Variants in RAD51B observed in about 807,000 individuals in gnomAD.
The protein encoded by RAD51B is DNA repair protein RAD51 homolog 2.
A neutral mutation model predicts 42.2 loss-of-function variants in RAD51B; 38 were observed. The ratio of observed to expected loss-of-function variants is 0.90; its 90% CI spans 0.70 to 1.18. RAD51B has a LOEUF of 1.18. Among genes scored for constraint, RAD51B ranks in the 50% most tolerant of loss-of-function variants. The probability of loss-of-function intolerance (pLI) is 0.00; values close to 1 mark genes in which losing one functional copy is unlikely to be tolerated. For synonymous variants in RAD51B, 154 were observed against 145.2 expected (o/e 1.06, Z -0.43); for missense variants, 373 against 400.7 (o/e 0.93, Z 0.59).
chr14:67,966,219 C>G (rs755572969), intron 7 of RAD51B, among the ~76,000 whole-genome samples: 7 of 152,112 alleles, frequency 4.6e-5, no homozygotes, highest in Non-Finnish European at 8.8e-5. Flanking sequence ...CACAGGACCA[C>G]GAGCCTTCAC....
chr14:68,427,563 C>A (rs2140125155), intron 9 of RAD51B, among the ~76,000 whole-genome samples: 1 of 152,264 alleles, frequency 6.6e-6, no homozygotes, highest in East Asian at 1.9e-4. Flanking sequence ...TTTTTTATTT[C>A]TCCCTTTTGG....
intron 7 of RAD51B, among the ~76,000 whole-genome samples, chr14:68,272,310 T>C (rs1477924262): frequency 6.6e-6 from 1 of 152,036 alleles, no homozygotes; most frequent in African/African-American, 2.4e-5. Context: ...CTATTTCTCA[T>C]TTGCTGTGTG....
intron 7 of RAD51B, among the ~76,000 whole-genome samples, chr14:67,917,600 A>T (rs1374032488): frequency 6.6e-6 from 1 of 152,220 alleles, no homozygotes; most frequent in African/African-American, 2.4e-5. Flanking sequence ...ATGATAACTT[A>T]ACGAGTATTA....
chr14:68,225,534 A>G (rs892177212), intron 7 of RAD51B, among the ~76,000 whole-genome samples: 3 of 152,218 alleles, frequency 2.0e-5, no homozygotes, highest in Non-Finnish European at 2.9e-5. Context: ...TGCAGAAACC[A>G]TGACACAATC....
At chr14:68,401,446 C>G (rs2084102062) in intron 8 of RAD51B, among the ~76,000 whole-genome samples, 1 of 152,170 alleles carries the variant, frequency 6.6e-6, no homozygotes, top group African/African-American at 2.4e-5. Flanking sequence ...CCCGCTTCTC[C>G]CCTACCTTGT....
chr14:68,378,030 AT>A (rs1386877647), intron 8 of RAD51B, among the ~76,000 whole-genome samples: 2 of 152,156 alleles, frequency 1.3e-5, no homozygotes, highest in African/African-American at 4.8e-5. Flanking sequence ...TCTCCTAGAG[AT>A]TTTTTAACAG....
chr14:68,482,552 A>C (rs900140213), downstream of RAD51B, among the ~76,000 whole-genome samples: 4 of 152,062 alleles, frequency 2.6e-5, no homozygotes, highest in Non-Finnish European at 4.4e-5. Context: ...TAGCCTAAAA[A>C]CTGGTCTTGG....
chr14:68,354,927 A>C (rs560967913), intron 8 of RAD51B, among the ~76,000 whole-genome samples: 1 of 152,132 alleles, frequency 6.6e-6, no homozygotes, highest in Non-Finnish European at 1.5e-5. Context: ...TCTTGGCCTC[A>C]TTGTGACTCG....
At chr14:67,892,209 A>G (rs1021028561) in intron 7 of RAD51B, among the ~76,000 whole-genome samples, 1 of 152,160 alleles carries the variant, frequency 6.6e-6, no homozygotes, top group African/African-American at 2.4e-5. Context: ...TCTTAAACCT[A>G]TCCTATGTTC....
intron 2 of RAD51B, 84 bp from the exon 3 acceptor site, chr14:67,825,380 G>A: frequency 2.4e-6 from 2 of 832,414 alleles, no homozygotes. Flanking sequence ...GTCTACATAA[G>A]CAGTATCAAT....
chr14:68,506,276 A>T (rs1885312935), intron 10 of RAD51B, among the ~76,000 whole-genome samples: 1 of 152,240 alleles, frequency 6.6e-6, no homozygotes, highest in Admixed American at 6.5e-5. Context: ...AGTGCACATT[A>T]GCGAGTGAAG....
chr14:68,515,575 A>G (rs1886085565), intron 10 of RAD51B, among the ~76,000 whole-genome samples: 1 of 150,166 alleles, frequency 6.7e-6, no homozygotes, highest in Non-Finnish European at 1.5e-5. Context: ...CAGTCTCTCA[A>G]GTTGCTAGGA....
chr14:68,506,655 G>A (rs1182899997), intron 10 of RAD51B, among the ~76,000 whole-genome samples: 2 of 152,204 alleles, frequency 1.3e-5, no homozygotes, highest in Admixed American at 6.5e-5. Flanking sequence ...GGCAGGGAGG[G>A]GCAGCACCAG....
chr14:68,622,444 C>A (rs913440735), intron 10 of RAD51B, among the ~76,000 whole-genome samples: 1 of 152,070 alleles, frequency 6.6e-6, no homozygotes, highest in Non-Finnish European at 1.5e-5. Context: ...AAGCGGGAGG[C>A]TGTTTACCAA....
chr14:68,371,440 C>G (rs187272279), intron 8 of RAD51B, among the ~76,000 whole-genome samples: 2 of 152,122 alleles, frequency 1.3e-5, no homozygotes, highest in East Asian at 1.9e-4. Flanking sequence ...ATTGCTTGAA[C>G]GCGGGAGGCG....
intron 7 of RAD51B, among the ~76,000 whole-genome samples, chr14:68,162,260 C>G (rs749997705): frequency 1.3e-5 from 2 of 152,066 alleles, no homozygotes; most frequent in Non-Finnish European, 2.9e-5. Flanking sequence ...GAGTAAATTG[C>G]AATAGAACGT....
At chr14:68,152,656 A>C (rs2078412984) in intron 7 of RAD51B, among the ~76,000 whole-genome samples, 1 of 151,942 alleles carries the variant, frequency 6.6e-6, no homozygotes, top group Non-Finnish European at 1.5e-5. Flanking sequence ...TTATATAGGG[A>C]AATTCGTATC....
chr14:68,524,454 C>A (rs1363886086), intron 10 of RAD51B, among the ~76,000 whole-genome samples: 1 of 152,046 alleles, frequency 6.6e-6, no homozygotes, highest in African/African-American at 2.4e-5. Flanking sequence ...TGGTTCAAGA[C>A]CAAGAAATAG....
chr14:68,177,458 A>G lies in RAD51B; in HGVS notation c.757-114426A>G, dbSNP rs150207374. On this transcript the variant is annotated intron_variant, in intron 7 of 10. Transcript: ENST00000471583. Reference sequence around the variant, plus strand: ...TACTGATTTCCATCTACCAAAATTCATGTTTCAAGTTTAACTAGATATCCT... The same window carrying G: ...TACTGATTTCCATCTACCAAAATTCGTGTTTCAAGTTTAACTAGATATCCT... Among the ~76,000 whole-genome samples the G allele has an allele frequency of 3.7e-3, 564 of 152,272 alleles. 2 individuals are homozygous for G. Among genetic ancestry groups the G allele is most frequent in the Middle Eastern group, 6.8e-3 (2 of 294 alleles).
Sources: gnomAD v4.1 joint callset for allele counts (sites outside exome capture counted in the v4.1 genomes callset) on GRCh38, gnomAD v4.1.1 for gene constraint, MANE v1.5 for transcripts, NCBI Gene and HGNC (gene_info 2026-07-23, HGNC 2026-07-21) for gene names.